The following SOX13 variants were observed in gnomAD, a reference collection of about 807,000 sequenced individuals.
The protein encoded by SOX13 is SRY-box transcription factor 13.
Under a neutral mutation model 71.8 loss-of-function variants are expected in SOX13, and 28 were observed. The ratio of observed to expected loss-of-function variants is 0.39; its 90% CI spans 0.29 to 0.53. The LOEUF is 0.53. SOX13 is among the 20% of genes least tolerant of loss of function. The pLI, the probability that SOX13 is intolerant of heterozygous loss-of-function variation, is 0.70. For synonymous variants in SOX13, 309 were observed against 317.8 expected (o/e 0.97, Z 0.29); for missense variants, 627 against 810.3 (o/e 0.77, Z 2.75).
rs762980160 is a variant in SOX13, at chr1:204,122,386, G to A, written c.1011G>A (p.Pro337=). ...CGCGGGACCTGCAGTCCAGCCCCCC[G>A]AGCCTGCCTCTGGGTAAGCCTCCTG... ...GPTRDLQSSP[P]SLPLGFLGEG... The change falls in exon 9 of 14, where the codon CCG becomes CCA. Residue 337 remains proline, a synonymous_variant. Transcript: ENST00000367204. 1.2e-5 allele frequency: 18 copies of A among 1,564,744 alleles called. No homozygotes were observed. Among genetic ancestry groups the A allele is most frequent in the African/African-American group, 9.5e-5 (7 of 73,480 alleles).
In SOX13 at chr1:204,099,424, C is replaced by CTTTTTT. The variant is rs200311750; in HGVS notation, c.-1-13473_-1-13468dup. ...TTGGTGTCTCAGTGTCTTTTTCTGG[C>CTTTTTT]TTTTTTTTTTTTTTTTTTTTTTTGA... On this transcript the variant is annotated intron_variant, in intron 1 of 13. Coordinates refer to ENST00000367204, the MANE Select transcript of SOX13 (RefSeq NM_005686.3). 2.0e-4 allele frequency among the ~76,000 whole-genome samples: 19 copies of CTTTTTT among 93,486 alleles called. 1 individual carries two copies. Among genetic ancestry groups the CTTTTTT allele is most frequent in the Middle Eastern group, 0.011 (1 of 94 alleles). 61.3% of individuals were successfully genotyped at this position (93,486 alleles called of 152,430 possible).
chr1:204,093,713 T>C (rs1196830078), intron 1 of SOX13, among the ~76,000 whole-genome samples: 1 of 152,264 alleles, frequency 6.6e-6, no homozygotes, highest in Admixed American at 6.5e-5. Flanking sequence ...GAATCAGGCA[T>C]ACCGAAAGTG....
intron 1 of SOX13, among the ~76,000 whole-genome samples, chr1:204,099,679 C>T (rs531593892): frequency 6.6e-6 from 1 of 152,186 alleles, no homozygotes; most frequent in Admixed American, 6.5e-5. Context: ...TCCCAAAGTG[C>T]TGGGATTACA....
chr1:204,097,030 C>G (rs1656266897), intron 1 of SOX13, among the ~76,000 whole-genome samples: 1 of 152,176 alleles, frequency 6.6e-6, no homozygotes, highest in South Asian at 2.1e-4. Flanking sequence ...TAGCCCCATC[C>G]TGGCTTCCAT....
rs1300345717 is a variant in SOX13 at position 204,127,354 on chromosome 1, T to G, written c.*1220T>G. The G allele has an allele frequency of 1.0e-5, 1 of 95,916 alleles. No homozygotes were observed. The highest frequency in any genetic ancestry group is 2.1e-5 in the Non-Finnish European group (1 of 47,874). The allele number at this position is 95,916 out of a possible 1,614,324, so 5.9% of individuals were successfully genotyped here. A position where few individuals can be genotyped will look rare whatever the true frequency, so the allele number is the denominator to read the frequency against. On this transcript the variant is annotated 3_prime_UTR_variant, in exon 14 of 14. Transcript: ENST00000367204. ...GGCTTCAGCCTCTCCCACCCAGCCC[T>G]GCCCCTCACCTGCCTGCCCTCCCCT...
At chr1:204,087,842 G>A (rs1656056907) in intron 1 of SOX13, among the ~76,000 whole-genome samples, 2 of 152,216 alleles carry the variant, frequency 1.3e-5, no homozygotes, top group South Asian at 4.1e-4. Flanking sequence ...AAACCTTCTA[G>A]TTTGGAAGGG....
chr1:204,103,609 C>A (rs2102243816), intron 1 of SOX13, among the ~76,000 whole-genome samples: 1 of 152,344 alleles, frequency 6.6e-6, no homozygotes, highest in South Asian at 2.1e-4. Context: ...CAGGGCTATC[C>A]CCCAAGGGGC....
At chr1:204,086,776 G>T (rs1012134161) in intron 1 of SOX13, among the ~76,000 whole-genome samples, 1 of 152,162 alleles carries the variant, frequency 6.6e-6, no homozygotes, top group African/African-American at 2.4e-5. Flanking sequence ...TTGTGGCAGG[G>T]TGATGGTACG....
chr1:204,125,831 T>C (rs1395996979), intron 13 of SOX13, 27 bp from the exon 14 acceptor site: 1 of 1,597,246 alleles, frequency 6.3e-7, no homozygotes, highest in African/African-American at 1.3e-5. Context: ...TGTGCATCCA[T>C]CACCGTTCCC....
intron 1 of SOX13, among the ~76,000 whole-genome samples, chr1:204,084,900 CTG>C (rs1229386362): frequency 1.3e-5 from 2 of 152,190 alleles, no homozygotes; most frequent in African/African-American, 4.8e-5. Context: ...CCTGAGGTCT[CTG>C]TGTGTTTCAG....
At chr1:204,085,812 A>C (rs934613506) in intron 1 of SOX13, among the ~76,000 whole-genome samples, 35 of 149,794 alleles carry the variant, frequency 2.3e-4, no homozygotes, top group African/African-American at 8.6e-4. Flanking sequence ...GTCTGTACTA[A>C]AAAAAAAATA....
At chr1:204,102,625 G>A (rs1042226035) in intron 1 of SOX13, among the ~76,000 whole-genome samples, 3 of 151,506 alleles carry the variant, frequency 2.0e-5, no homozygotes, top group Admixed American at 1.3e-4. Flanking sequence ...GGAGCAGATG[G>A]AGGAGGAAGA....
At chr1:204,076,353 G>T (rs1226484337) in intron 1 of SOX13, among the ~76,000 whole-genome samples, 1 of 152,182 alleles carries the variant, frequency 6.6e-6, no homozygotes, top group Non-Finnish European at 1.5e-5. Context: ...AGAGTCAGGT[G>T]GAATGGGCTG....
At chr1:204,122,758 T>C in intron 9 of SOX13, 96 bp from the exon 10 acceptor site, 2 of 732,708 alleles carry the variant, frequency 2.7e-6, no homozygotes, top group Non-Finnish European at 2.3e-6. Flanking sequence ...CTCATGGGAG[T>C]GGCATGGCGG....
At chr1:204,080,325 A>G (rs909600660) in intron 1 of SOX13, among the ~76,000 whole-genome samples, 5 of 150,860 alleles carry the variant, frequency 3.3e-5, no homozygotes, top group Admixed American at 2.6e-4. Flanking sequence ...TACCCCCAAC[A>G]TTGTCCCCCT....
intron 2 of SOX13, among the ~76,000 whole-genome samples, chr1:204,113,839 AGT>A (rs1421335177): frequency 2.0e-5 from 3 of 151,966 alleles, no homozygotes; most frequent in Non-Finnish European, 4.4e-5. Context: ...GGCAGTGGGG[AGT>A]GTGAGTAACT....
chr1:204,117,264 G>T (rs1571590842), intron 6 of SOX13, 74 bp downstream of exon 6: 6 of 1,315,086 alleles, frequency 4.6e-6, no homozygotes, highest in East Asian at 2.3e-5. Flanking sequence ...GGGTGCTGGG[G>T]ACAGGGGATG....
At chr1:204,082,293 C>T (rs1238164025) in intron 1 of SOX13, among the ~76,000 whole-genome samples, 2 of 151,958 alleles carry the variant, frequency 1.3e-5, no homozygotes, top group East Asian at 3.9e-4. Flanking sequence ...GGCCTGTGCT[C>T]TGGAGACCCT....
intron 1 of SOX13, among the ~76,000 whole-genome samples, chr1:204,109,329 T>G (rs1049784351): frequency 6.6e-6 from 1 of 152,240 alleles, no homozygotes; most frequent in Non-Finnish European, 1.5e-5. Context: ...CATGCACTGC[T>G]TGCCTACCAA....
Sources: gnomAD v4.1 joint callset for allele counts (sites outside exome capture counted in the v4.1 genomes callset) on GRCh38, gnomAD v4.1.1 for gene constraint, MANE v1.5 for transcripts, NCBI Gene and HGNC (gene_info 2026-07-23, HGNC 2026-07-21) for gene names.